The following ODAD1 variants were observed in gnomAD, a reference collection of about 807,000 sequenced individuals.
ODAD1 encodes the protein outer dynein arm-docking complex subunit 1.
In ODAD1, 49 loss-of-function variants were observed where a neutral mutation model predicts 67.2. The ratio of observed to expected loss-of-function variants is 0.73; its 90% CI spans 0.58 to 0.92. ODAD1 has a LOEUF of 0.92. Ranked by LOEUF, ODAD1 falls within the 40% of genes least tolerant of loss-of-function variation. The pLI is 0.00. For missense variants in ODAD1, 897 were observed against 953.7 expected (o/e 0.94, Z 0.78); for synonymous variants, 345 against 393.7 (o/e 0.88, Z 1.46).
At chr19:48,319,553 G>GCGAGACCCT in intron 3 of ODAD1, 1 of 401,292 alleles carries the variant, frequency 2.5e-6, no homozygotes, top group Non-Finnish European at 3.4e-6. Flanking sequence ...TTCTAGACAG[G>GCGAGACCCT]GTCTCGCTCT....
chr19:48,298,653 C>T (rs1028988235), intron 12 of ODAD1, among the ~76,000 whole-genome samples: 7 of 152,186 alleles, frequency 4.6e-5, no homozygotes, highest in African/African-American at 7.2e-5. Flanking sequence ...TGGCTTGACA[C>T]GCTGCTGCTC....
chr19:48,305,402 CT>C lies in ODAD1; in HGVS notation c.665+853del, dbSNP rs1253680173. Among the ~76,000 whole-genome samples, 1,280 of 141,932 alleles carry C rather than the reference CT, an allele frequency of 9.0e-3. 30 individuals carry two copies. The highest frequency in any genetic ancestry group is 0.064 in the East Asian group (297 of 4,676). The allele number at this position is 141,932 out of a possible 152,430, so 93.1% of individuals were successfully genotyped here. A position where few individuals can be genotyped will look rare whatever the true frequency, so the allele number is the denominator to read the frequency against. On this transcript the variant is annotated intron_variant, in intron 8 of 15. Coordinates refer to ENST00000674294, the MANE Select transcript of ODAD1 (RefSeq NM_001364171.2). Reference sequence around the variant, plus strand: ...CTGCACTATATATGTGCTAGATGCGCTTTTTTTTTTTTTTTCTCCTGAGACG... The same window carrying C: ...CTGCACTATATATGTGCTAGATGCGCTTTTTTTTTTTTTTCTCCTGAGACG...
intron 12 of ODAD1, among the ~76,000 whole-genome samples, chr19:48,302,216 G>A (rs1370798834): frequency 6.6e-6 from 1 of 151,042 alleles, no homozygotes; most frequent in Non-Finnish European, 1.5e-5. Context: ...AGATGGATAT[G>A]GGACAGAATG....
intron 7 of ODAD1, among the ~76,000 whole-genome samples, chr19:48,308,711 G>C (rs1385137832): frequency 6.6e-6 from 1 of 150,730 alleles, no homozygotes; most frequent in Non-Finnish European, 1.5e-5. Context: ...GCAGCCACCA[G>C]AACCACAGCT....
At position 48,304,044 on chromosome 19, in the gene ODAD1, G is replaced by C. The variant is rs564694520; in HGVS notation, c.762C>G (p.Ile254Met). ...EMEAQVLQRQ[I>M]LHLEQLHHFL... ...AGTGGTGCAGCTGCTCCAGGTGCAA[G>C]ATCTGCCGCTGCAGGACCTGCGCCT... Residue 254 changes from isoleucine (I) to methionine (M), a missense_variant, in exon 9 of 16, where the codon ATC becomes ATG. Physicochemically the swap from Ile to Met is conservative, Grantham distance 10. Transcript: ENST00000674294. 6.2e-7 allele frequency: 1 copy of C among 1,614,206 alleles called. No individual in the cohort carries two copies. Among genetic ancestry groups the C allele is most frequent in the East Asian group, 2.2e-5 (1 of 44,878 alleles).
chr19:48,296,913 T>C lies in ODAD1; in HGVS notation c.*63A>G, dbSNP rs1364553004. On this transcript the variant is annotated 3_prime_UTR_variant, in exon 16 of 16. Coordinates refer to ENST00000674294, the MANE Select transcript of ODAD1 (RefSeq NM_001364171.2). ...AGACCCACAAGGCAAACAGGGGAAG[T>C]AGAGACACAAAAAAAGACCCCACAG... The C allele has an allele frequency of 2.7e-6, 4 of 1,479,394 alleles. No homozygotes were observed. Among genetic ancestry groups the C allele is most frequent in the African/African-American group, 2.8e-5 (2 of 70,522 alleles). The allele number at this position is 1,479,394 out of a possible 1,614,324, so 91.6% of individuals were successfully genotyped here.
Position 48,311,545 on chromosome 19 carries a change from C to A in ODAD1, c.597+8G>T, listed in dbSNP as rs1410717277. 1 of 1,515,402 alleles carries A rather than the reference C, an allele frequency of 6.6e-7. No individual in the cohort carries two copies. Among genetic ancestry groups the A allele is most frequent in the African/African-American group, 1.4e-5 (1 of 72,242 alleles). The allele number at this position is 1,515,402 out of a possible 1,614,324, so 93.9% of individuals were successfully genotyped here. A position where few individuals can be genotyped will look rare whatever the true frequency, so the allele number is the denominator to read the frequency against. ...CTGTCTCCTCCCCTGGATTTCAGGGCCACTGACCTTCTTCAGCTTGCGGTC... is the reference window on the plus strand; with the variant it reads ...CTGTCTCCTCCCCTGGATTTCAGGGACACTGACCTTCTTCAGCTTGCGGTC... On this transcript the variant is annotated splice_region_variant and intron_variant, in intron 7 of 15. Coordinates refer to ENST00000674294, the MANE Select transcript of ODAD1 (RefSeq NM_001364171.2).
chr19:48,308,987 G>T (rs932546657), intron 7 of ODAD1, among the ~76,000 whole-genome samples: 1 of 152,190 alleles, frequency 6.6e-6, no homozygotes, highest in African/African-American at 2.4e-5. Flanking sequence ...GGAGCTCCCA[G>T]AGTGCAGCTG....
At chr19:48,315,006 G>A (rs1208223262) in intron 5 of ODAD1, among the ~76,000 whole-genome samples, 1 of 152,088 alleles carries the variant, frequency 6.6e-6, no homozygotes, top group Non-Finnish European at 1.5e-5. Flanking sequence ...GCAGCAAAGT[G>A]TACAAGGGAT....
intron 7 of ODAD1, among the ~76,000 whole-genome samples, chr19:48,306,668 C>T (rs1410946743): frequency 6.6e-6 from 1 of 152,130 alleles, no homozygotes; most frequent in African/African-American, 2.4e-5. Flanking sequence ...TAATGTTTTA[C>T]ATATTCATAA....
rs543656371 is a variant in ODAD1 at position 48,319,974 on chromosome 19, A to G, written c.70+325T>C. ...GAATTATCCCACCCCAAGAGTCAACAGTACCAAGGTTGAGAAAGCCTACTC... is the reference window on the plus strand; with the variant it reads ...GAATTATCCCACCCCAAGAGTCAACGGTACCAAGGTTGAGAAAGCCTACTC... On this transcript the variant is annotated intron_variant, in intron 3 of 15. Coordinates refer to ENST00000674294, the MANE Select transcript of ODAD1 (RefSeq NM_001364171.2). The G allele has an allele frequency of 1.6e-4, 146 of 928,274 alleles. 1 individual carries two copies. The African/African-American group carries it at 2.5e-3, about 16-fold the overall frequency. The allele number at this position is 928,274 out of a possible 1,614,324, so 57.5% of individuals were successfully genotyped here. A position where few individuals can be genotyped will look rare whatever the true frequency, so the allele number is the denominator to read the frequency against.
intron 4 of ODAD1, 21 bp from the exon 5 acceptor site, chr19:48,318,597 A>G: frequency 1.3e-6 from 2 of 1,548,928 alleles, no homozygotes; most frequent in Non-Finnish European, 1.7e-6. Flanking sequence ...AGGGAGGTGG[A>G]AGAGGGGCCA....
At chr19:48,301,868 C>T (rs556895954) in intron 12 of ODAD1, among the ~76,000 whole-genome samples, 17 of 129,722 alleles carry the variant, frequency 1.3e-4, no homozygotes, top group Admixed American at 3.1e-4. Flanking sequence ...GATGGATATA[C>T]GGACAGATGG....
Position 48,296,819 on chromosome 19 carries a change from G to A in ODAD1, c.*157C>T. Reference sequence around the variant, plus strand: ...AACCGGGAGACACAGGTGAGGCGGTGATGAAGGGCAGATGAAAACAGTTGA... The same window carrying A: ...AACCGGGAGACACAGGTGAGGCGGTAATGAAGGGCAGATGAAAACAGTTGA... On this transcript the variant is annotated 3_prime_UTR_variant, in exon 16 of 16. Coordinates refer to ENST00000674294, the MANE Select transcript of ODAD1 (RefSeq NM_001364171.2). 7.0e-7 allele frequency: 1 copy of A among 1,429,224 alleles called. No individual in the cohort carries two copies. Among genetic ancestry groups the A allele is most frequent in the Non-Finnish European group, 9.1e-7 (1 of 1,098,158 alleles). 88.5% of individuals were successfully genotyped at this position (1,429,224 alleles called of 1,614,324 possible).
chr19:48,300,362 A>G (rs745725161), intron 12 of ODAD1, among the ~76,000 whole-genome samples: 2 of 152,174 alleles, frequency 1.3e-5, no homozygotes, highest in African/African-American at 2.4e-5. Context: ...CTAGACCCCT[A>G]CCTCATACCA....
chr19:48,303,560 T>C (rs1968526979), intron 10 of ODAD1, 90 bp downstream of exon 10: 1 of 1,507,804 alleles, frequency 6.6e-7, no homozygotes, highest in Non-Finnish European at 9.1e-7. Context: ...ATGGAGGAGT[T>C]CCCCAGGGCC....
chr19:48,306,872 C>T (rs927377503), intron 7 of ODAD1, among the ~76,000 whole-genome samples: 2 of 151,902 alleles, frequency 1.3e-5, no homozygotes, highest in Admixed American at 1.3e-4. Flanking sequence ...CATAGAGAAA[C>T]TCCATCTCTA....
At chr19:48,311,477 C>A in intron 7 of ODAD1, 76 bp downstream of exon 7, 1 of 826,708 alleles carries the variant, frequency 1.2e-6, no homozygotes. Context: ...AGTGCTAGAG[C>A]AGGAAGGGCA....
chr19:48,305,288 C>T (rs918371), intron 8 of ODAD1, among the ~76,000 whole-genome samples: 2,313 of 152,300 alleles, frequency 0.015, 47 homozygotes, highest in African/African-American at 0.052. Context: ...TACAGTGTGC[C>T]TCTATCTGAA....
Sources: allele counts gnomAD v4.1 joint callset (sites outside exome capture counted in the v4.1 genomes callset), GRCh38; gene constraint gnomAD v4.1.1; transcripts MANE v1.5; gene names NCBI Gene and HGNC (gene_info 2026-07-23, HGNC 2026-07-21).